SMG1: variants seen among roughly 807,000 people sequenced by gnomAD.
The protein encoded by SMG1 is SMG1 nonsense mediated mRNA decay associated PI3K related kinase.
SMG1 carries 22 observed loss-of-function variants against 419.9 expected under a neutral mutation model. That is an observed-to-expected ratio of 0.05 (90% CI 0.04 to 0.07). SMG1 has a LOEUF of 0.07. SMG1 is among the 10% of genes least tolerant of loss of function. The probability of loss-of-function intolerance (pLI) is 1.00; values close to 1 mark genes in which losing one functional copy is unlikely to be tolerated. For missense variants in SMG1, 3,185 were observed against 4,342.0 expected, an observed-to-expected ratio of 0.73 and a Z score of 7.49; for synonymous variants, 1,538 against 1,553.5, an observed-to-expected ratio of 0.99 and a Z score of 0.23.
chr16:18,842,144 A>G (rs1596500574), intron 40 of SMG1, 64 bp downstream of exon 40: 5 of 1,515,490 alleles, frequency 3.3e-6, no homozygotes, highest in Admixed American at 2.0e-5. Context: ...ACACACCCAC[A>G]CTCACACAAA....
intron 1 of SMG1, among the ~76,000 whole-genome samples, chr16:18,916,311 C>T (rs1392985413): frequency 3.3e-5 from 5 of 151,192 alleles, no homozygotes; most frequent in African/African-American, 4.8e-5. Context: ...GTCAGGAGAT[C>T]GAGACCATCC....
At chr16:18,876,655 G>A (rs1193719328) in intron 12 of SMG1, among the ~76,000 whole-genome samples, 12 of 108,772 alleles carry the variant, frequency 1.1e-4, no homozygotes, top group Non-Finnish European at 1.5e-4. Flanking sequence ...TGAAATTTCC[G>A]AAATGGCCGT....
rs1332279576 is a variant in SMG1, at chr16:18,877,008, C to G, written c.1620+123G>C. 5.9e-6 allele frequency: 4 copies of G among 682,880 alleles called. No homozygotes were observed. In the East Asian group the frequency reaches 1.1e-4, roughly 20 times the overall value. The allele number at this position is 682,880 out of a possible 1,614,324, so 42.3% of individuals were successfully genotyped here. On this transcript the variant is annotated intron_variant, in intron 12 of 62. Transcript: ENST00000446231. ...AAACTTAAAAGAACAAATACAATCA[C>G]TATATTCTAAATCAAACATTTCACA... is the stretch of plus-strand genomic sequence containing the variant.
At position 18,806,505 on chromosome 16, in the gene SMG1, A is replaced by C. The variant is rs185447158; in HGVS notation, c.*3064T>G. The C allele has an allele frequency of 6.6e-6, 1 of 152,522 alleles. No homozygotes were observed. The highest frequency in any genetic ancestry group is 2.1e-4 in the South Asian group (1 of 4,834). 9.4% of individuals were successfully genotyped at this position (152,522 alleles called of 1,614,324 possible). ...TCTAGCAAACTACACTAAGAACTCA[A>C]TGACCAAAAATAATCAATCAAACTT... On this transcript the variant is annotated 3_prime_UTR_variant, in exon 63 of 63. Coordinates refer to ENST00000446231, the MANE Select transcript of SMG1 (RefSeq NM_015092.5).
chr16:18,873,554 G>A (rs1244765215), intron 13 of SMG1, among the ~76,000 whole-genome samples: 1 of 152,154 alleles, frequency 6.6e-6, no homozygotes, highest in Non-Finnish European at 1.5e-5. Context: ...CGCTAGTGTT[G>A]TGATGGTTGT....
chr16:18,922,804 G>C (rs2038246474), intron 1 of SMG1, among the ~76,000 whole-genome samples: 1 of 151,954 alleles, frequency 6.6e-6, no homozygotes, highest in Non-Finnish European at 1.5e-5. Flanking sequence ...TAAATGTCGG[G>C]TGCGGTGGCT....
At chr16:18,842,695 C>T (rs1234992839) in intron 39 of SMG1, among the ~76,000 whole-genome samples, 1 of 152,018 alleles carries the variant, frequency 6.6e-6, no homozygotes, top group Non-Finnish European at 1.5e-5. Flanking sequence ...CACAGTGGCT[C>T]GTGCCTGTAG....
At chr16:18,839,138 G>A (rs762454474) in intron 42 of SMG1, among the ~76,000 whole-genome samples, 4 of 152,040 alleles carry the variant, frequency 2.6e-5, no homozygotes, top group Non-Finnish European at 5.9e-5. Flanking sequence ...GAGCCACTGT[G>A]CCTGACCTCT....
At chr16:18,836,565 T>C in intron 46 of SMG1, 33 bp from the exon 47 acceptor site, 1 of 1,605,988 alleles carries the variant, frequency 6.2e-7, no homozygotes, top group Non-Finnish European at 8.5e-7. Flanking sequence ...AATCAAAAGA[T>C]TTATTGCTGT....
At chr16:18,849,452 A>C in intron 35 of SMG1, 74 bp from the exon 36 acceptor site, 65 of 1,370,964 alleles carry the variant, frequency 4.7e-5, no homozygotes, top group Non-Finnish European at 6.2e-5. Flanking sequence ...ATCGTAGATC[A>C]AACAGATAAA....
intron 1 of SMG1, among the ~76,000 whole-genome samples, chr16:18,919,681 C>T (rs1442038263): frequency 1.5e-4 from 23 of 150,144 alleles, no homozygotes; most frequent in Admixed American, 2.7e-4. Context: ...CACACACACA[C>T]ACACACACAC....
chr16:18,816,320 G>A lies in SMG1; in HGVS notation c.10284C>T (p.Leu3428=). ...GTCTTACCTTAGCCATAGCTTTCAA[G>A]AGATGTTTGACATCTCCAAGCTGTC... ...HNRQLGDVKH[L]LKAMAKDEEA... is the part of the protein sequence containing the mutation. The change falls in exon 58 of 63, where the codon CTC becomes CTT. Residue 3428 remains leucine (L), a synonymous_variant. Coordinates refer to ENST00000446231, the MANE Select transcript of SMG1 (RefSeq NM_015092.5). 6.2e-7 allele frequency: 1 copy of A among 1,613,722 alleles called. No individual in the cohort carries two copies. The highest frequency in any genetic ancestry group is 8.5e-7 in the Non-Finnish European group (1 of 1,179,704).
chr16:18,812,389 G>A (rs537250269), intron 60 of SMG1, among the ~76,000 whole-genome samples: 2 of 152,052 alleles, frequency 1.3e-5, no homozygotes, highest in Non-Finnish European at 2.9e-5. Context: ...GATGGCTCAC[G>A]CCTGTAATCC....
chr16:18,910,694 T>C (rs573637559), intron 1 of SMG1, among the ~76,000 whole-genome samples: 35 of 152,180 alleles, frequency 2.3e-4, no homozygotes, highest in Non-Finnish European at 3.7e-4. Flanking sequence ...TACATTCTTA[T>C]AATGATATGA....
chr16:18,871,822 G>A (rs2967207), intron 15 of SMG1, among the ~76,000 whole-genome samples: 78,052 of 151,302 alleles, frequency 0.52, 20,318 homozygotes, highest in Middle Eastern at 0.59. Flanking sequence ...ACCTGTAATC[G>A]CGGCTACTTG....
intron 46 of SMG1, 136 bp downstream of exon 46, chr16:18,837,117 G>A: frequency 2.6e-6 from 2 of 771,626 alleles, no homozygotes; most frequent in Non-Finnish European, 3.9e-6. Context: ...CTAACACTTT[G>A]AAGTTGCAGT....
intron 1 of SMG1, among the ~76,000 whole-genome samples, chr16:18,918,301 C>G (rs2038056276): frequency 1.3e-5 from 2 of 152,134 alleles, no homozygotes; most frequent in Non-Finnish European, 1.5e-5. Flanking sequence ...GAAAAAAACA[C>G]TTGAACTATG....
At chr16:18,843,996 T>G (rs1236255609) in intron 39 of SMG1, among the ~76,000 whole-genome samples, 1 of 143,064 alleles carries the variant, frequency 7.0e-6, no homozygotes, top group African/African-American at 2.6e-5. Flanking sequence ...TTTTAAAAAT[T>G]TTCTATGATT....
At chr16:18,919,650 G>GTGTGTA (rs1314775703) in intron 1 of SMG1, among the ~76,000 whole-genome samples, 2 of 82,004 alleles carry the variant, frequency 2.4e-5, no homozygotes, top group Non-Finnish European at 4.7e-5. Context: ...GTGTGTGTGT[G>GTGTGTA]TATATATACA....
Sources: gnomAD v4.1 joint callset for allele counts (sites outside exome capture counted in the v4.1 genomes callset) on GRCh38, gnomAD v4.1.1 for gene constraint, MANE v1.5 for transcripts, NCBI Gene and HGNC (gene_info 2026-07-23, HGNC 2026-07-21) for gene names.